Variants in ZBTB26 observed in about 807,000 individuals in gnomAD.
ZBTB26 encodes zinc finger and BTB domain-containing protein 26.
A neutral mutation model predicts 31.6 loss-of-function variants in ZBTB26; 12 were observed. The ratio of observed to expected loss-of-function variants is 0.38; its 90% CI spans 0.24 to 0.61. The LOEUF is 0.61. ZBTB26 is among the 20% of genes least tolerant of loss of function. The pLI, the probability that ZBTB26 is intolerant of heterozygous loss-of-function variation, is 0.60. For missense variants in ZBTB26, 311 were observed against 521.9 expected (o/e 0.60, Z 3.94); for synonymous variants, 155 against 182.9 (o/e 0.85, Z 1.23).
chr9:122,926,821 T>C (rs1833189966), intron 1 of ZBTB26, among the ~76,000 whole-genome samples: 1 of 152,240 alleles, frequency 6.6e-6, no homozygotes, highest in African/African-American at 2.4e-5. Flanking sequence ...TGTGTATTTA[T>C]CTTTGTGGAC....
At chr9:122,921,169 T>C (rs1187537587) in intron 1 of ZBTB26, among the ~76,000 whole-genome samples, 1 of 152,258 alleles carries the variant, frequency 6.6e-6, no homozygotes, top group Non-Finnish European at 1.5e-5. Flanking sequence ...AAAGTCTCCA[T>C]GTTCTGATTC....
intron 1 of ZBTB26, among the ~76,000 whole-genome samples, chr9:122,926,537 C>G (rs1335252048): frequency 6.6e-6 from 1 of 151,180 alleles, no homozygotes; most frequent in Non-Finnish European, 1.5e-5. Flanking sequence ...TTGTGTAACT[C>G]TTCAGATTTC....
intron 1 of ZBTB26, among the ~76,000 whole-genome samples, chr9:122,922,951 C>A (rs1322498691): frequency 1.3e-5 from 2 of 152,040 alleles, no homozygotes; most frequent in African/African-American, 4.8e-5. Context: ...TTTGGGAGGC[C>A]AAGGCTGGTG....
intron 1 of ZBTB26, among the ~76,000 whole-genome samples, chr9:122,923,185 AAAAAAAAAAAG>A (rs1564335760): frequency 2.7e-5 from 4 of 150,480 alleles, no homozygotes; most frequent in Admixed American, 1.3e-4. Context: ...CTCCATCTCA[AAAAAAAAAAAG>A]AAAAAAAAAA....
At chr9:122,925,209 C>G (rs1215604931) in intron 1 of ZBTB26, among the ~76,000 whole-genome samples, 2 of 151,886 alleles carry the variant, frequency 1.3e-5, no homozygotes, top group African/African-American at 4.8e-5. Context: ...CCCGTCTCTA[C>G]AAAAAATACA....
chr9:122,927,408 A>G (rs1833199560), intron 1 of ZBTB26, among the ~76,000 whole-genome samples: 3 of 152,226 alleles, frequency 2.0e-5, no homozygotes, highest in African/African-American at 7.2e-5. Flanking sequence ...AATGCTTCTA[A>G]TAACTACTGG....
In ZBTB26 at chr9:122,916,337, A is replaced by G. The variant is rs112531546; in HGVS notation, c.*2272T>C. 3.9e-5 allele frequency: 6 copies of G among 152,238 alleles called. No homozygotes were observed. Among genetic ancestry groups the G allele is most frequent in the African/African-American group, 9.6e-5 (4 of 41,458 alleles). The allele number at this position is 152,238 out of a possible 1,614,324, so 9.4% of individuals were successfully genotyped here. The stretch of plus-strand genomic sequence containing the variant: ...TATAAGCTCCATGAGGGCAGGGACT[A>G]TATCAATCTTACCTTCATTATCCTC... On this transcript the variant is annotated 3_prime_UTR_variant, in exon 2 of 2. Transcript: ENST00000373656.
intron 1 of ZBTB26, among the ~76,000 whole-genome samples, chr9:122,923,454 G>A (rs1230548412): frequency 2.0e-5 from 3 of 152,162 alleles, no homozygotes; most frequent in African/African-American, 7.2e-5. Flanking sequence ...GATATACAGG[G>A]AAAATGTCAG....
At chr9:122,928,054 T>C (rs1489289199) in intron 1 of ZBTB26, among the ~76,000 whole-genome samples, 1 of 152,062 alleles carries the variant, frequency 6.6e-6, no homozygotes, top group Non-Finnish European at 1.5e-5. Flanking sequence ...AGGCTGTTCT[T>C]GAACTCCTGA....
rs1255751484 is a variant in ZBTB26 at position 122,916,184 on chromosome 9, A to G, written c.*2425T>C. 1 of 152,258 alleles carries G rather than the reference A, an allele frequency of 6.6e-6. No individual in the cohort carries two copies. Among genetic ancestry groups the G allele is most frequent in the Non-Finnish European group, 1.5e-5 (1 of 68,040 alleles). The allele number at this position is 152,258 out of a possible 1,614,324, so 9.4% of individuals were successfully genotyped here. A position where few individuals can be genotyped will look rare whatever the true frequency, so the allele number is the denominator to read the frequency against. ...TTTGCATTTTCAAAAGGTGAGAACT[A>G]AATGTTTTACTGATACAAAAGCACA... On this transcript the variant is annotated 3_prime_UTR_variant, in exon 2 of 2. Transcript: ENST00000373656.
Position 122,915,784 on chromosome 9 carries a change from C to T in ZBTB26, c.*2825G>A, listed in dbSNP as rs566857624. 1.3e-5 allele frequency: 2 copies of T among 152,316 alleles called. No individual in the cohort carries two copies. Among genetic ancestry groups the T allele is most frequent in the Admixed American group, 1.3e-4 (2 of 15,296 alleles). 9.4% of individuals were successfully genotyped at this position (152,316 alleles called of 1,614,324 possible). ...TTAAATTAAAATCATATCTGATTTA[C>T]CTCAGAGCCACTTCAGTTTGGAGTT... On this transcript the variant is annotated 3_prime_UTR_variant, in exon 2 of 2. Transcript: ENST00000373656.
In ZBTB26 at chr9:122,919,533, A is replaced by G; in HGVS notation, c.402T>C (p.Asp134=). The part of the protein sequence containing the change: ...WKFIKPKQPM[D]SKEGCEPQSA... ...TCTGTGGTTCACATCCCTCTTTACT[A>G]TCCATTGGTTGTTTTGGCTTTATAA... is the stretch of plus-strand genomic sequence containing the variant. The change falls in exon 2 of 2, where the codon GAT becomes GAC. Residue 134 remains aspartate (D), a synonymous_variant. Coordinates refer to ENST00000373656, the MANE Select transcript of ZBTB26 (RefSeq NM_020924.4). The surrounding 1 kb of genome is among the most constrained non-coding windows in gnomAD (Gnocchi z 6.1). 6.2e-7 allele frequency: 1 copy of G among 1,614,032 alleles called. No homozygotes were observed. The highest frequency in any genetic ancestry group is 8.5e-7 in the Non-Finnish European group (1 of 1,180,024).
chr9:122,929,546 C>A (rs1318015682), intron 1 of ZBTB26, among the ~76,000 whole-genome samples: 1 of 152,142 alleles, frequency 6.6e-6, no homozygotes, highest in Admixed American at 6.5e-5. Context: ...TCCCATCTAT[C>A]AATAGTAATT....
rs1465648642 is a variant in ZBTB26, at chr9:122,917,248, G to C, written c.*1361C>G. On this transcript the variant is annotated 3_prime_UTR_variant, in exon 2 of 2. Transcript: ENST00000373656. ...AAAGCCAAGGGATAGCGAGAAGAAG[G>C]AAGAAGATGCTAGCTCATATTTAGT... is the stretch of plus-strand genomic sequence containing the variant. 6.6e-6 allele frequency: 1 copy of C among 152,196 alleles called. No individual in the cohort carries two copies. Among genetic ancestry groups the C allele is most frequent in the Non-Finnish European group, 1.5e-5 (1 of 68,032 alleles). The allele number at this position is 152,196 out of a possible 1,614,324, so 9.4% of individuals were successfully genotyped here. A position where few individuals can be genotyped will look rare whatever the true frequency, so the allele number is the denominator to read the frequency against.
At chr9:122,922,853 A>G (rs906368147) in intron 1 of ZBTB26, among the ~76,000 whole-genome samples, 5 of 152,208 alleles carry the variant, frequency 3.3e-5, no homozygotes, top group African/African-American at 1.2e-4. Flanking sequence ...GGAATGTGTA[A>G]AGATTCTACA....
Position 122,919,541 on chromosome 9 carries a change from G to C in ZBTB26, c.394C>G (p.Pro132Ala), listed in dbSNP as rs1833065252. Residue 132 changes from proline (P) to alanine (A), a missense_variant, in exon 2 of 2, where the codon CCA becomes GCA. Physicochemically the swap from Pro to Ala is conservative, Grantham distance 27 (BLOSUM62 -1). Transcript: ENST00000373656. The surrounding 1 kb of genome is among the most constrained non-coding windows in gnomAD (Gnocchi z 6.1). ...ALWKFIKPKQPMDSKEGCEPQ... is the reference protein window; with the variant it reads ...ALWKFIKPKQAMDSKEGCEPQ... ...TCACATCCCTCTTTACTATCCATTG[G>C]TTGTTTTGGCTTTATAAACTTCCAC... The C allele has an allele frequency of 1.9e-6, 3 of 1,614,112 alleles. No individual in the cohort carries two copies. The African/African-American group carries it at 4.0e-5, about 22-fold the overall frequency.
chr9:122,929,924 TG>T (rs1833242242), intron 1 of ZBTB26, among the ~76,000 whole-genome samples: 1 of 152,216 alleles, frequency 6.6e-6, no homozygotes, highest in African/African-American at 2.4e-5. Context: ...TCTTGCTTGC[TG>T]TAACCCTGCA....
chr9:122,917,266 T>C lies in ZBTB26; in HGVS notation c.*1343A>G, dbSNP rs1833027298. On this transcript the variant is annotated 3_prime_UTR_variant, in exon 2 of 2. Coordinates refer to ENST00000373656, the MANE Select transcript of ZBTB26 (RefSeq NM_020924.4). ...GAAGAAGGAAGAAGATGCTAGCTCA[T>C]ATTTAGTTATACCTTGGTCAATATT... 1 of 152,242 alleles carries C rather than the reference T, an allele frequency of 6.6e-6. No individual in the cohort carries two copies. The highest frequency in any genetic ancestry group is 2.4e-5 in the African/African-American group (1 of 41,460). The allele number at this position is 152,242 out of a possible 1,614,324, so 9.4% of individuals were successfully genotyped here.
Position 122,919,812 on chromosome 9 carries a change from A to G in ZBTB26, c.123T>C (p.Asp41=). ...CAATTTTATGTCCCTGTACCTCAATATCATCTATGAGAACTGTAACATCAC... is the reference window on the plus strand; with the variant it reads ...CAATTTTATGTCCCTGTACCTCAATGTCATCTATGAGAACTGTAACATCAC... ...KFCDVTVLID[D]IEVQGHKIVF... The change falls in exon 2 of 2, where the codon GAT becomes GAC. Residue 41 remains aspartate, a synonymous_variant. Transcript: ENST00000373656. The surrounding 1 kb of genome is among the most constrained non-coding windows in gnomAD (Gnocchi z 6.1). 1.2e-6 allele frequency: 2 copies of G among 1,614,126 alleles called. No individual in the cohort carries two copies. Among genetic ancestry groups the G allele is most frequent in the Non-Finnish European group, 8.5e-7 (1 of 1,180,014 alleles).
Sources: allele counts gnomAD v4.1 joint callset (sites outside exome capture counted in the v4.1 genomes callset), GRCh38; gene constraint gnomAD v4.1.1; non-coding constraint Gnocchi (gnomAD v3.1); transcripts MANE v1.5; gene names NCBI Gene and HGNC (gene_info 2026-07-23, HGNC 2026-07-21).